Variants in COL6A3 observed in about 807,000 individuals in gnomAD.
The protein encoded by COL6A3 is collagen alpha-3(VI) chain.
A neutral mutation model predicts 274.1 loss-of-function variants in COL6A3; 137 were observed. The ratio of observed to expected loss-of-function variants is 0.50; its 90% CI spans 0.44 to 0.58. The LOEUF is 0.58. COL6A3 is among the 20% of genes least tolerant of loss of function. COL6A3 has a pLI of 0.00. For synonymous variants in COL6A3, 1,650 were observed against 1,650.6 expected (o/e 1.00, Z 0.01); for missense variants, 3,950 against 4,124.9 (o/e 0.96, Z 1.16).
At chr2:237,380,449 CGAGAGAGAA>C (rs1184252057) in intron 5 of COL6A3, among the ~76,000 whole-genome samples, 3 of 152,278 alleles carry the variant, frequency 2.0e-5, no homozygotes, top group African/African-American at 7.2e-5. Context: ...AATCCCTTAA[CGAGAGAGAA>C]GAGAGGGATT....
chr2:237,345,126 G>A, intron 33 of COL6A3, 32 bp from the exon 34 acceptor site: 7 of 1,614,082 alleles, frequency 4.3e-6, no homozygotes, highest in Non-Finnish European at 5.1e-6. Flanking sequence ...TATGTAAAGA[G>A]AGCAAATCAA....
In COL6A3 at chr2:237,332,749, C is replaced by G. The variant is rs548265380; in HGVS notation, c.9328+701G>C. 5.3e-5 allele frequency among the ~76,000 whole-genome samples: 8 copies of G among 152,248 alleles called. No individual in the cohort carries two copies. The South Asian group carries it at 1.7e-3, about 32-fold the overall frequency. On this transcript the variant is annotated intron_variant, in intron 42 of 43. Coordinates refer to ENST00000295550, the MANE Select transcript of COL6A3 (RefSeq NM_004369.4). ...TTTGCTGAACACTCTTAAGCAAAGC[C>G]TATCAACTATTTTAATAATCAGTTT...
intron 22 of COL6A3, 124 bp downstream of exon 22, chr2:237,357,693 T>C (rs2077348062): frequency 2.0e-6 from 2 of 1,008,362 alleles, no homozygotes; most frequent in African/African-American, 3.2e-5. Flanking sequence ...CTGCTGCTAA[T>C]CTTAGGCTAC....
At chr2:237,386,969 G>A (rs551360338) in intron 4 of COL6A3, among the ~76,000 whole-genome samples, 100 of 151,930 alleles carry the variant, frequency 6.6e-4, no homozygotes, top group Non-Finnish European at 1.2e-3. Context: ...ATTTGAGCTT[G>A]TATCCTAATA....
chr2:237,359,996 TG>T, intron 17 of COL6A3, 91 bp downstream of exon 17: 1 of 1,344,898 alleles, frequency 7.4e-7, no homozygotes, highest in Non-Finnish European at 1.1e-6. Flanking sequence ...TCAAGAAGCC[TG>T]GACCAGCGCC....
chr2:237,387,767 G>A lies in COL6A3; in HGVS notation c.1127C>T (p.Ser376Leu). The part of the protein sequence containing the change: ...VVALKQASVF[S>L]FGLGAQAASR... ...GGCGGCCTGGGCTCCAAGGCCGAAT[G>A]AGAACACGCTAGCCTGCTTCAGTGC... Residue 376 changes from serine to leucine, a missense_variant, in exon 4 of 44, where the codon TCA (serine) becomes TTA (leucine). By Grantham distance (145) the Ser-to-Leu change is moderately radical. This residue lies in a region of COL6A3 where 1,934 missense variants were observed against 1,984.3 expected (regional missense o/e 0.97). Coordinates refer to ENST00000295550, the MANE Select transcript of COL6A3 (RefSeq NM_004369.4). 6.2e-7 allele frequency: 1 copy of A among 1,614,042 alleles called. No homozygotes were observed. The highest frequency in any genetic ancestry group is 8.5e-7 in the Non-Finnish European group (1 of 1,179,978).
At chr2:237,360,025 CT>C in intron 17 of COL6A3, 62 bp downstream of exon 17, 1 of 1,547,010 alleles carries the variant, frequency 6.5e-7, no homozygotes, top group Non-Finnish European at 8.9e-7. Flanking sequence ...CTGGCAGCAT[CT>C]GGAGAAACTG....
At chr2:237,341,542 C>CT (rs1405921576) in intron 37 of COL6A3, among the ~76,000 whole-genome samples, 21 of 53,774 alleles carry the variant, frequency 3.9e-4, no homozygotes, top group African/African-American at 2.5e-3. Context: ...AAGACTCTGT[C>CT]TAAAAAAAAA....
rs775819114 is a variant in COL6A3 at position 237,394,819 on chromosome 2, A to AG, written c.476dup (p.Leu160SerfsTer7). On this transcript the variant is annotated frameshift_variant, in exon 3 of 44. Coordinates refer to ENST00000295550, the MANE Select transcript of COL6A3 (RefSeq NM_004369.4). LOFTEE classifies it high-confidence loss of function. ...CAGACTTAAGTTCCGCTGAGGGCAG[A>AG]GCAAGGCCATCCTTCGAGTGTCCAT... is the stretch of plus-strand genomic sequence containing the variant. The AG allele has an allele frequency of 8.1e-6, 13 of 1,614,186 alleles. No homozygotes were observed. The highest frequency in any genetic ancestry group is 1.1e-5 in the Non-Finnish European group (13 of 1,180,042).
chr2:237,360,060 G>C (rs764996069), intron 17 of COL6A3, 28 bp downstream of exon 17: 58 of 1,612,450 alleles, frequency 3.6e-5, no homozygotes, highest in Non-Finnish European at 4.8e-5. Flanking sequence ...CCCTCCCCAC[G>C]CTAGCAACCC....
intron 1 of COL6A3, among the ~76,000 whole-genome samples, chr2:237,409,906 T>A (rs1295120074): frequency 6.6e-6 from 1 of 152,176 alleles, no homozygotes; most frequent in Non-Finnish European, 1.5e-5. Context: ...TCCTATAAAA[T>A]GTCTTATTTG....
chr2:237,332,069 A>C (rs567828184), intron 42 of COL6A3, among the ~76,000 whole-genome samples: 10 of 50,512 alleles, frequency 2.0e-4, no homozygotes, highest in African/African-American at 3.6e-4. Context: ...CTCTCTCTCT[A>C]CATATATATA....
rs1033950649 is a variant in COL6A3 at position 237,372,234 on chromosome 2, G to A, written c.3783C>T (p.Tyr1261=). 6.2e-7 allele frequency: 1 copy of A among 1,614,060 alleles called. No individual in the cohort carries two copies. The change falls in exon 9 of 44, where the codon TAC becomes TAT. Residue 1261 remains tyrosine, a synonymous_variant. Coordinates refer to ENST00000295550, the MANE Select transcript of COL6A3 (RefSeq NM_004369.4). Reference sequence around the variant, plus strand: ...GGGTGGTGTCAAAGCCCACGTCCAGGTAGTCAACCAGCCTCTCTATGAGGG... The same window carrying A: ...GGGTGGTGTCAAAGCCCACGTCCAGATAGTCAACCAGCCTCTCTATGAGGG... ...VRTLIERLVD[Y]LDVGFDTTRV... is the part of the protein sequence containing the mutation.
chr2:237,410,524 C>G (rs567362753), intron 1 of COL6A3, among the ~76,000 whole-genome samples: 104 of 152,176 alleles, frequency 6.8e-4, no homozygotes, highest in African/African-American at 2.5e-3. Context: ...AGGCTTGTCT[C>G]AAACTCCTGG....
chr2:237,361,058 A>T lies in COL6A3; in HGVS notation c.6210+63T>A. ...AACAAATGATGAAATCCACAATGCA[A>T]TCCCAATGGGTAAGGATCAAGGAGG... On this transcript the variant is annotated intron_variant, in intron 16 of 43. Transcript: ENST00000295550. This position sits in a 1 kb window ranked among gnomAD's most constrained non-coding sequence, Gnocchi z 5.1. 7.5e-7 allele frequency: 1 copy of T among 1,335,272 alleles called. No homozygotes were observed. 82.7% of individuals were successfully genotyped at this position (1,335,272 alleles called of 1,614,324 possible).
In COL6A3 at chr2:237,361,040, G is replaced by A. The variant is rs1323437395; in HGVS notation, c.6210+81C>T. The A allele has an allele frequency of 3.4e-6, 4 of 1,179,076 alleles. No individual in the cohort carries two copies. The African/African-American group carries it at 6.0e-5, about 18-fold the overall frequency. The allele number at this position is 1,179,076 out of a possible 1,614,324, so 73.0% of individuals were successfully genotyped here. Reference sequence around the variant, plus strand: ...GAAAGCCATCAGCAACTGAACAAATGATGAAATCCACAATGCAATCCCAAT... The same window carrying A: ...GAAAGCCATCAGCAACTGAACAAATAATGAAATCCACAATGCAATCCCAAT... On this transcript the variant is annotated intron_variant, in intron 16 of 43. Transcript: ENST00000295550. This position sits in a 1 kb window ranked among gnomAD's most constrained non-coding sequence, Gnocchi z 5.1.
chr2:237,360,750 T>C (rs1419351282), intron 16 of COL6A3, among the ~76,000 whole-genome samples: 1 of 152,120 alleles, frequency 6.6e-6, no homozygotes, highest in Non-Finnish European at 1.5e-5. Flanking sequence ...CTTAACGGGG[T>C]AACCCCTAAA....
At chr2:237,335,010 A>T in intron 40 of COL6A3, 121 bp from the exon 41 acceptor site, 1 of 1,187,400 alleles carries the variant, frequency 8.4e-7, no homozygotes, top group Non-Finnish European at 1.2e-6. Context: ...AATTTAGCTG[A>T]GGCGGGGAAC....
intron 17 of COL6A3, among the ~76,000 whole-genome samples, chr2:237,359,653 C>T (rs1466006885): frequency 6.6e-6 from 1 of 152,248 alleles, no homozygotes; most frequent in African/African-American, 2.4e-5. Flanking sequence ...AAGGAGCTGA[C>T]TTTGTAACTT....
Sources: allele counts gnomAD v4.1 joint callset (sites outside exome capture counted in the v4.1 genomes callset), GRCh38; gene constraint gnomAD v4.1.1; regional missense constraint gnomAD v4.1.1; non-coding constraint Gnocchi (gnomAD v3.1); transcripts MANE v1.5; gene names NCBI Gene and HGNC (gene_info 2026-07-23, HGNC 2026-07-21).